LRFN5: variants seen among roughly 807,000 people sequenced by gnomAD.
LRFN5 encodes leucine rich repeat and fibronectin type III domain containing 5, also known as leucine-rich repeat and fibronectin type-III domain-containing protein 5.
LRFN5 carries 24 observed loss-of-function variants against 45.6 expected under a neutral mutation model. The ratio of observed to expected loss-of-function variants is 0.53; its 90% confidence interval spans 0.38 to 0.74. LRFN5 has a LOEUF of 0.74. Ranked by LOEUF, LRFN5 falls within the 30% of genes least tolerant of loss-of-function variation. LRFN5 has a pLI of 0.00. For missense variants in LRFN5, 776 were observed against 861.5 expected, an observed-to-expected ratio of 0.90 and a Z score of 1.24; for synonymous variants, 340 against 313.8, an observed-to-expected ratio of 1.08 and a Z score of -0.88.
At chr14:41,832,161 C>T (rs2086636788) in intron 2 of LRFN5, among the ~76,000 whole-genome samples, 1 of 152,108 alleles carries the variant, frequency 6.6e-6, no homozygotes. Flanking sequence ...CAGTCCTCAT[C>T]AAGCATCTCA....
At chr14:41,803,104 A>G (rs772007624) in intron 2 of LRFN5, among the ~76,000 whole-genome samples, 12 of 152,186 alleles carry the variant, frequency 7.9e-5, no homozygotes, top group Non-Finnish European at 1.5e-4. Context: ...TAAAGATATT[A>G]GTGGTTTTCA....
chr14:41,791,377 C>T (rs193157127), intron 2 of LRFN5, among the ~76,000 whole-genome samples: 1,780 of 152,066 alleles, frequency 0.012, 27 homozygotes, highest in Non-Finnish European at 0.02. Context: ...TTATAGTTAT[C>T]TACCTGTCTC....
intron 1 of LRFN5, among the ~76,000 whole-genome samples, chr14:41,620,898 A>G (rs1888108969): frequency 6.6e-6 from 1 of 152,072 alleles, no homozygotes; most frequent in African/African-American, 2.4e-5. Flanking sequence ...AGGAAATTTA[A>G]GTGAAATATA....
chr14:41,744,903 T>G (rs1884859365), intron 1 of LRFN5, among the ~76,000 whole-genome samples: 1 of 152,042 alleles, frequency 6.6e-6, no homozygotes, highest in Non-Finnish European at 1.5e-5. Flanking sequence ...AAGTAAAAAC[T>G]GATGGAATTG....
intron 1 of LRFN5, among the ~76,000 whole-genome samples, chr14:41,662,645 A>G (rs1880709592): frequency 6.6e-6 from 1 of 152,016 alleles, no homozygotes; most frequent in Non-Finnish European, 1.5e-5. Context: ...AGGGCCACCA[A>G]TCAGGAAAAT....
chr14:41,824,050 T>G (rs1888213990), intron 2 of LRFN5, among the ~76,000 whole-genome samples: 1 of 152,116 alleles, frequency 6.6e-6, no homozygotes, highest in African/African-American at 2.4e-5. Flanking sequence ...TTTAGTAAAT[T>G]TTTCATTTAT....
intron 5 of LRFN5, among the ~76,000 whole-genome samples, chr14:41,899,559 G>C (rs893608226): frequency 6.6e-6 from 1 of 151,968 alleles, no homozygotes; most frequent in Non-Finnish European, 1.5e-5. Flanking sequence ...AATTTTAATT[G>C]GATCAGAGAG....
intron 2 of LRFN5, among the ~76,000 whole-genome samples, chr14:41,870,306 G>A (rs1436179728): frequency 1.3e-5 from 2 of 152,066 alleles, no homozygotes; most frequent in African/African-American, 2.4e-5. Context: ...TCCTTCAAAC[G>A]ATTTGCCCAA....
intron 2 of LRFN5, among the ~76,000 whole-genome samples, chr14:41,781,610 AAG>A (rs1348770111): frequency 2.2e-4 from 21 of 96,058 alleles, no homozygotes; most frequent in Non-Finnish European, 3.7e-4. Flanking sequence ...GAAAGAAAGA[AAG>A]AAAGAGAAAG....
chr14:41,769,639 T>C (rs908133065), intron 2 of LRFN5, among the ~76,000 whole-genome samples: 1 of 152,178 alleles, frequency 6.6e-6, no homozygotes, highest in Non-Finnish European at 1.5e-5. Flanking sequence ...ACTATTAAGG[T>C]ATCCTTAATG....
chr14:41,688,352 C>T (rs1882213224), intron 1 of LRFN5, among the ~76,000 whole-genome samples: 1 of 151,670 alleles, frequency 6.6e-6, no homozygotes, highest in Non-Finnish European at 1.5e-5. Flanking sequence ...GAAAAATGCT[C>T]GAGGTGCTGG....
intron 4 of LRFN5, among the ~76,000 whole-genome samples, chr14:41,896,425 T>C (rs1890941556): frequency 6.6e-6 from 1 of 152,200 alleles, no homozygotes; most frequent in Admixed American, 6.5e-5. Context: ...TATGCTTCTG[T>C]GTGAGTGTGA....
intron 2 of LRFN5, among the ~76,000 whole-genome samples, chr14:41,781,647 G>GGAA (rs1566437468): frequency 1.4e-4 from 20 of 141,548 alleles, no homozygotes; most frequent in African/African-American, 4.8e-4. Flanking sequence ...AAGAAAGAAA[G>GGAA]AGAAAGAAAG....
intron 1 of LRFN5, among the ~76,000 whole-genome samples, chr14:41,649,298 T>G (rs1481226443): frequency 6.8e-6 from 1 of 146,700 alleles, no homozygotes; most frequent in Non-Finnish European, 1.5e-5. Flanking sequence ...GTTTTTAGGC[T>G]AGAATTTTAA....
intron 1 of LRFN5, among the ~76,000 whole-genome samples, chr14:41,704,998 G>C (rs1395505692): frequency 6.6e-6 from 1 of 152,102 alleles, no homozygotes; most frequent in African/African-American, 2.4e-5. Context: ...CTAGTCAGCT[G>C]TATCACTCAC....
intron 1 of LRFN5, among the ~76,000 whole-genome samples, chr14:41,733,919 T>C (rs1290749086): frequency 6.6e-6 from 1 of 151,160 alleles, no homozygotes. Flanking sequence ...CTGTTGTTAT[T>C]GTATTGCAGA....
intron 2 of LRFN5, among the ~76,000 whole-genome samples, chr14:41,864,697 G>GTAT (rs1400330046): frequency 6.6e-6 from 1 of 151,880 alleles, no homozygotes; most frequent in Admixed American, 6.6e-5. Context: ...CATAACAGTG[G>GTAT]GTAGATAGCC....
At chr14:41,796,803 C>T (rs1450080085) in intron 2 of LRFN5, among the ~76,000 whole-genome samples, 9 of 151,958 alleles carry the variant, frequency 5.9e-5, no homozygotes, top group African/African-American at 2.2e-4. Context: ...GGTATGTTTA[C>T]TAAACAGGCA....
intron 2 of LRFN5, among the ~76,000 whole-genome samples, chr14:41,872,742 C>T (rs1297658252): frequency 6.6e-6 from 1 of 152,182 alleles, no homozygotes; most frequent in South Asian, 2.1e-4. Context: ...CGCTTAATAT[C>T]ATTGGAAGGC....
Sources: allele counts gnomAD v4.1 joint callset (sites outside exome capture counted in the v4.1 genomes callset), GRCh38; gene constraint gnomAD v4.1.1; transcripts MANE v1.5; gene names NCBI Gene and HGNC (gene_info 2026-07-23, HGNC 2026-07-21).